Variants in ANKS1A observed in about 807,000 individuals in gnomAD.
The protein encoded by ANKS1A is ankyrin repeat and sterile alpha motif domain containing 1A.
Under a neutral mutation model 120.3 loss-of-function variants are expected in ANKS1A, and 55 were observed. The ratio of observed to expected loss-of-function variants is 0.46; its 90% confidence interval spans 0.37 to 0.57. The LOEUF is 0.57. Ranked by LOEUF, ANKS1A falls within the 20% of genes least tolerant of loss-of-function variation. The pLI is 0.00. For missense variants in ANKS1A, 1,123 were observed against 1,480.3 expected (o/e 0.76, Z 3.96); for synonymous variants, 590 against 604.7 (o/e 0.98, Z 0.36).
At position 35,090,346 on chromosome 6, in the gene ANKS1A, T is replaced by C. The variant is rs1778233877; in HGVS notation, c.*1737T>C. ...GACTGCGCTGCCACTGCGCACATGC[T>C]GGTGCCCGTCTTCCTCCTAAGGGGC... is the stretch of plus-strand genomic sequence containing the variant. On this transcript the variant is annotated 3_prime_UTR_variant, in exon 24 of 24. Coordinates refer to ENST00000360359, the MANE Select transcript of ANKS1A (RefSeq NM_015245.3). 4.7e-6 allele frequency: 6 copies of C among 1,270,558 alleles called. No homozygotes were observed. In the South Asian group the frequency reaches 7.6e-5, roughly 16 times the overall value. The allele number at this position is 1,270,558 out of a possible 1,614,324, so 78.7% of individuals were successfully genotyped here. A position where few individuals can be genotyped will look rare whatever the true frequency, so the allele number is the denominator to read the frequency against.
At chr6:35,064,332 T>C (rs901401210) in intron 13 of ANKS1A, among the ~76,000 whole-genome samples, 2 of 152,136 alleles carry the variant, frequency 1.3e-5, no homozygotes, top group African/African-American at 4.8e-5. Context: ...TAGAAATGGA[T>C]ACTGAGTCGG....
In ANKS1A at chr6:35,083,199, C is replaced by T; in HGVS notation, c.2880C>T (p.Ser960=). Residue 960 remains serine (S), a synonymous_variant, in exon 19 of 24, where the codon TCC becomes TCT. Coordinates refer to ENST00000360359, the MANE Select transcript of ANKS1A (RefSeq NM_015245.3). ...TCAAAGATCTGCGAGGGACAGAATC[C>T]ACGCAAGACGCCTGTGCCAAGATGC... ...MLIKDLRGTE[S]TQDACAKMRK... 1 of 1,614,126 alleles carries T rather than the reference C, an allele frequency of 6.2e-7. No individual in the cohort carries two copies. Among genetic ancestry groups the T allele is most frequent in the Non-Finnish European group, 8.5e-7 (1 of 1,180,030 alleles).
intron 1 of ANKS1A, among the ~76,000 whole-genome samples, chr6:34,909,813 TACAG>T (rs1340945409): frequency 2.0e-5 from 3 of 152,192 alleles, no homozygotes. Flanking sequence ...AAAGGAGTTG[TACAG>T]ACAAAGAAGG....
intron 11 of ANKS1A, among the ~76,000 whole-genome samples, chr6:35,053,589 C>T (rs764759718): frequency 2.6e-5 from 4 of 152,230 alleles, no homozygotes; most frequent in Admixed American, 6.5e-5. Flanking sequence ...AGAAATCATC[C>T]TCACTCCCCA....
At chr6:34,955,550 C>G (rs1370770680) in intron 1 of ANKS1A, among the ~76,000 whole-genome samples, 1 of 152,090 alleles carries the variant, frequency 6.6e-6, no homozygotes. Context: ...ATGTTGGTTT[C>G]GTTTCCTTCT....
At chr6:35,087,180 C>G (rs1002399884) in intron 23 of ANKS1A, 131 bp downstream of exon 23, 2 of 873,816 alleles carry the variant, frequency 2.3e-6, no homozygotes, top group African/African-American at 3.3e-5. Context: ...CCCACCTGCA[C>G]TGGGACCTGC....
chr6:35,041,852 G>A (rs1401958767), intron 11 of ANKS1A, among the ~76,000 whole-genome samples: 4 of 152,262 alleles, frequency 2.6e-5, no homozygotes, highest in East Asian at 1.9e-4. Context: ...TCTGAACTTC[G>A]GTTCCAGAAC....
intron 3 of ANKS1A, among the ~76,000 whole-genome samples, chr6:34,973,902 C>A (rs1182873786): frequency 4.5e-5 from 2 of 44,572 alleles, no homozygotes; most frequent in Admixed American, 5.0e-4. Context: ...CCCTTCCCTT[C>A]CCCTTCCCCT....
chr6:35,069,954 G>C (rs1325331245), intron 13 of ANKS1A, among the ~76,000 whole-genome samples: 1 of 150,660 alleles, frequency 6.6e-6, no homozygotes, highest in Non-Finnish European at 1.5e-5. Flanking sequence ...TTGAACCTGG[G>C]AGGTGGAAGT....
intron 1 of ANKS1A, among the ~76,000 whole-genome samples, chr6:34,965,162 C>T (rs960118246): frequency 1.3e-5 from 2 of 152,150 alleles, no homozygotes; most frequent in Non-Finnish European, 2.9e-5. Flanking sequence ...AATCTACTCT[C>T]CTGATAAATT....
In ANKS1A at chr6:34,992,694, T is replaced by C. The variant is rs573375642; in HGVS notation, c.1303-1608T>C. The stretch of plus-strand genomic sequence containing the variant: ...CTATCAAGAGGCAAGGAATAAGTAA[T>C]ATGAGTAAATGGCTCATTGTAATGA... On this transcript the variant is annotated intron_variant, in intron 9 of 23. Transcript: ENST00000360359. Among the ~76,000 whole-genome samples, 184 of 152,332 alleles carry C rather than the reference T, an allele frequency of 1.2e-3. 1 individual carries two copies. Among genetic ancestry groups the C allele is most frequent in the Middle Eastern group, 6.8e-3 (2 of 294 alleles).
At chr6:35,055,279 G>A (rs1018424233) in intron 12 of ANKS1A, among the ~76,000 whole-genome samples, 1 of 152,026 alleles carries the variant, frequency 6.6e-6, no homozygotes, top group Non-Finnish European at 1.5e-5. Flanking sequence ...GCAACCTTTG[G>A]ATAATAGTGT....
intron 9 of ANKS1A, among the ~76,000 whole-genome samples, chr6:34,993,390 A>T (rs1233371723): frequency 2.6e-5 from 4 of 152,174 alleles, no homozygotes; most frequent in Non-Finnish European, 5.9e-5. Flanking sequence ...TCAAAGCCTT[A>T]CAGTTGCCAG....
rs115539169 is a variant in ANKS1A, at chr6:34,959,186, T to C, written c.198-8053T>C. ...GCCTGAGCACTTTGGTTCTAACTTA[T>C]GGTTCTTCTGTCGCTGTGTTTTATG... On this transcript the variant is annotated intron_variant, in intron 1 of 23. Coordinates refer to ENST00000360359, the MANE Select transcript of ANKS1A (RefSeq NM_015245.3). Among the ~76,000 whole-genome samples, 320 of 152,374 alleles carry C rather than the reference T, an allele frequency of 2.1e-3. 1 individual carries two copies. The highest frequency in any genetic ancestry group is 7.2e-3 in the African/African-American group (301 of 41,588).
chr6:35,079,717 T>G, intron 15 of ANKS1A, 49 bp downstream of exon 15: 2 of 1,613,396 alleles, frequency 1.2e-6, no homozygotes, highest in Non-Finnish European at 1.7e-6. Context: ...AAGTCTGAGC[T>G]TCCCTTAGGG....
In ANKS1A at chr6:34,939,935, T is replaced by A. The variant is rs556498780; in HGVS notation, c.198-27304T>A. On this transcript the variant is annotated intron_variant, in intron 1 of 23. Coordinates refer to ENST00000360359, the MANE Select transcript of ANKS1A (RefSeq NM_015245.3). ...TTCATCTAAGAAATATGGTTGCTGC[T>A]CCCAGCCATTGTGGGCAGTGGCTTT... is the stretch of plus-strand genomic sequence containing the variant. 1.7e-4 allele frequency among the ~76,000 whole-genome samples: 26 copies of A among 152,332 alleles called. 1 individual carries two copies. In the South Asian group the frequency reaches 4.8e-3, roughly 28 times the overall value.
chr6:35,081,571 G>A (rs564795558), intron 17 of ANKS1A, among the ~76,000 whole-genome samples: 4 of 152,252 alleles, frequency 2.6e-5, no homozygotes, highest in African/African-American at 9.6e-5. Flanking sequence ...TTGTTCCCCA[G>A]AACTGCTTTC....
chr6:35,065,975 G>A (rs1035359441), intron 13 of ANKS1A, among the ~76,000 whole-genome samples: 13 of 152,296 alleles, frequency 8.5e-5, no homozygotes, highest in African/African-American at 2.9e-4. Context: ...CTGGATGGGG[G>A]AAGCTCAGGA....
chr6:35,031,906 C>T (rs997073194), intron 11 of ANKS1A, among the ~76,000 whole-genome samples: 2 of 152,138 alleles, frequency 1.3e-5, no homozygotes, highest in East Asian at 1.9e-4. Flanking sequence ...TTCCCCTACA[C>T]GTTGGTTTAT....
Sources: allele counts gnomAD v4.1 joint callset (sites outside exome capture counted in the v4.1 genomes callset), GRCh38; gene constraint gnomAD v4.1.1; transcripts MANE v1.5; gene names NCBI Gene and HGNC (gene_info 2026-07-23, HGNC 2026-07-21).